Variants in GRHL3 observed in about 807,000 individuals in gnomAD.
The protein encoded by GRHL3 is grainyhead like transcription factor 3.
GRHL3 carries 20 observed loss-of-function variants against 70.3 expected under a neutral mutation model. That is an observed-to-expected ratio of 0.28 (90% CI 0.20 to 0.41). The LOEUF (loss-of-function observed/expected upper bound fraction) is 0.41. GRHL3 is among the 10% of genes least tolerant of loss of function. The pLI is 1.00. For missense variants in GRHL3, 637 were observed against 762.3 expected, an observed-to-expected ratio of 0.84 and a Z score of 1.94; for synonymous variants, 299 against 299.9, an observed-to-expected ratio of 1.00 and a Z score of 0.03.
At chr1:24,360,996 A>G (rs1641076073) in intron 15 of GRHL3, 3 of 1,613,344 alleles carry the variant, frequency 1.9e-6, no homozygotes, top group African/African-American at 2.7e-5. Context: ...GTGGCTTCGG[A>G]GGCAGAGGCG....
At chr1:24,326,237 C>T (rs1054919466) in intron 1 of GRHL3, among the ~76,000 whole-genome samples, 7 of 152,178 alleles carry the variant, frequency 4.6e-5, no homozygotes, top group South Asian at 2.1e-4. Flanking sequence ...ACACAGTAGG[C>T]GGACAAGCTC....
At chr1:24,331,666 T>C (rs1639621696) in intron 2 of GRHL3, 54 bp downstream of exon 2, 1 of 1,510,090 alleles carries the variant, frequency 6.6e-7, no homozygotes, top group Non-Finnish European at 9.0e-7. Context: ...GTGTCTTCAC[T>C]TCAGGCCTCA....
intron 1 of GRHL3, among the ~76,000 whole-genome samples, chr1:24,324,564 A>G (rs933216559): frequency 3.9e-5 from 6 of 152,252 alleles, no homozygotes; most frequent in African/African-American, 1.2e-4. Context: ...ATCTTCCAAC[A>G]GTAATACTTC....
intron 8 of GRHL3, among the ~76,000 whole-genome samples, chr1:24,341,300 C>T (rs1432840892): frequency 6.6e-6 from 1 of 152,188 alleles, no homozygotes; most frequent in African/African-American, 2.4e-5. Context: ...CTACACACCC[C>T]ACAGCCACAC....
At chr1:24,332,439 G>T (rs1442602869) in intron 2 of GRHL3, among the ~76,000 whole-genome samples, 3 of 152,168 alleles carry the variant, frequency 2.0e-5, no homozygotes, top group African/African-American at 7.2e-5. Flanking sequence ...AATCACGAGG[G>T]TATAACACAT....
chr1:24,346,058 GAA>G (rs1409437249), intron 12 of GRHL3, among the ~76,000 whole-genome samples: 2 of 152,124 alleles, frequency 1.3e-5, no homozygotes, highest in Non-Finnish European at 2.9e-5. Flanking sequence ...TTCTAGCTGT[GAA>G]AGTCACCGCA....
At chr1:24,362,832 G>A (rs1009992172) in intron 15 of GRHL3, among the ~76,000 whole-genome samples, 2 of 152,182 alleles carry the variant, frequency 1.3e-5, no homozygotes, top group Non-Finnish European at 2.9e-5. Context: ...CTTATATTTA[G>A]AACAAAGGTA....
At position 24,339,339 on chromosome 1, in the gene GRHL3, G is replaced by A. The variant is rs1347896040; in HGVS notation, c.953-329G>A. Among the ~76,000 whole-genome samples, 10 of 150,740 alleles carry A rather than the reference G, an allele frequency of 6.6e-5. No homozygotes were observed. In the East Asian group the frequency reaches 1.9e-3, roughly 29 times the overall value. On this transcript the variant is annotated intron_variant, in intron 7 of 15. Transcript: ENST00000361548. Reference sequence around the variant, plus strand: ...CACCCAGGCTAGAGTGCAGTGGCGCGATCTCGGCTCACTGCAACCTCCGCC... The same window carrying A: ...CACCCAGGCTAGAGTGCAGTGGCGCAATCTCGGCTCACTGCAACCTCCGCC...
At chr1:24,359,245 T>C (rs4648976), downstream of GRHL3, among the ~76,000 whole-genome samples, 36,877 of 152,202 alleles carry the variant, frequency 0.24, 5,188 homozygotes, top group East Asian at 0.43. This position sits in a 1 kb window ranked among gnomAD's most constrained non-coding sequence, Gnocchi z 5.3. Context: ...CACCTTGGCA[T>C]GGGTGATCAG....
Position 24,321,409 on chromosome 1 carries a change from C to A in GRHL3, c.17+1841C>A, listed in dbSNP as rs1639180529. Among the ~76,000 whole-genome samples the A allele has an allele frequency of 6.6e-6, 1 of 152,176 alleles. No homozygotes were observed. Among genetic ancestry groups the A allele is most frequent in the South Asian group, 2.1e-4 (1 of 4,824 alleles). ...CTACTGGTAAGGGGAGGGCACCCGG[C>A]GCTTGGCTTGCAAGTTCTGAGCTGC... On this transcript the variant is annotated intron_variant, in intron 1 of 15. Coordinates refer to ENST00000361548, the MANE Select transcript of GRHL3 (RefSeq NM_198173.3). The surrounding 1 kb of genome is among the most constrained non-coding windows in gnomAD (Gnocchi z 4.0).
chr1:24,337,977 C>T lies in GRHL3; in HGVS notation c.841-15C>T, dbSNP rs779394079. Reference sequence around the variant, plus strand: ...GGAAGAGGCCGGGAGTGACTGTGACCAACTGTGCTTGCAGAGTGTGGTGAT... The same window carrying T: ...GGAAGAGGCCGGGAGTGACTGTGACTAACTGTGCTTGCAGAGTGTGGTGAT... On this transcript the variant is annotated splice_polypyrimidine_tract_variant and intron_variant, in intron 6 of 15. Coordinates refer to ENST00000361548, the MANE Select transcript of GRHL3 (RefSeq NM_198173.3). 5.7e-6 allele frequency: 9 copies of T among 1,582,796 alleles called. No homozygotes were observed. The South Asian group carries it at 1.0e-4, about 18-fold the overall frequency.
intron 2 of GRHL3, among the ~76,000 whole-genome samples, chr1:24,332,723 C>G (rs1461144219): frequency 6.6e-6 from 1 of 152,222 alleles, no homozygotes; most frequent in East Asian, 1.9e-4. Flanking sequence ...CCACCTTGTA[C>G]AGAAGACCTC....
At chr1:24,332,596 C>G (rs1639653055) in intron 2 of GRHL3, among the ~76,000 whole-genome samples, 1 of 152,198 alleles carries the variant, frequency 6.6e-6, no homozygotes, top group Non-Finnish European at 1.5e-5. Context: ...TGAATTGTCA[C>G]AAGACAGCAA....
downstream of GRHL3, chr1:24,358,293 A>C: frequency 1.5e-6 from 1 of 665,274 alleles, no homozygotes; most frequent in Non-Finnish European, 2.8e-6. Flanking sequence ...GGCTCTGTCC[A>C]CTCCTCCCTT....
downstream of GRHL3, among the ~76,000 whole-genome samples, chr1:24,360,278 G>A (rs1281123914): frequency 2.0e-5 from 3 of 152,060 alleles, no homozygotes; most frequent in Non-Finnish European, 4.4e-5. Context: ...ACCCCTGTCT[G>A]TCTCTGCTAA....
In GRHL3 at chr1:24,334,683, G is replaced by A. The variant is rs1015033453; in HGVS notation, c.243G>A (p.Gly81=). 3 of 1,610,976 alleles carry A rather than the reference G, an allele frequency of 1.9e-6. No homozygotes were observed. The highest frequency in any genetic ancestry group is 2.5e-6 in the Non-Finnish European group (3 of 1,178,968). ...AGCGGATATTGTCCTCCAGCACTGG[G>A]GGCAGGAATGACCAAGGAAAGAGGT... ...KEKRILSSST[G]GRNDQGKRYY... Residue 81 remains glycine (G), a synonymous_variant, in exon 3 of 16, where the codon GGG becomes GGA. Coordinates refer to ENST00000361548, the MANE Select transcript of GRHL3 (RefSeq NM_198173.3). The surrounding 1 kb of genome is among the most constrained non-coding windows in gnomAD (Gnocchi z 4.3).
intron 8 of GRHL3, among the ~76,000 whole-genome samples, chr1:24,340,302 C>T (rs768328693): frequency 1.8e-4 from 27 of 152,202 alleles, no homozygotes; most frequent in Non-Finnish European, 3.4e-4. Context: ...AGTTATCTCA[C>T]TTCTCTGAGC....
At chr1:24,343,232 C>A (rs548193436) in intron 11 of GRHL3, 2 of 559,242 alleles carry the variant, frequency 3.6e-6, no homozygotes, top group Admixed American at 6.1e-5. Context: ...TATGAAGAAA[C>A]AGATTTCGTA....
Position 24,321,296 on chromosome 1 carries a change from G to C in GRHL3, c.17+1728G>C, listed in dbSNP as rs1439796646. Among the ~76,000 whole-genome samples, 1 of 152,224 alleles carries C rather than the reference G, an allele frequency of 6.6e-6. No individual in the cohort carries two copies. Among genetic ancestry groups the C allele is most frequent in the Non-Finnish European group, 1.5e-5 (1 of 68,040 alleles). ...GCTTCTCAGTTTGGGGTGGGGTGAG[G>C]GAAGCCAGTTGCCTGCTGAGTAATT... is the stretch of plus-strand genomic sequence containing the variant. On this transcript the variant is annotated intron_variant, in intron 1 of 15. Coordinates refer to ENST00000361548, the MANE Select transcript of GRHL3 (RefSeq NM_198173.3). The surrounding 1 kb of genome is among the most constrained non-coding windows in gnomAD (Gnocchi z 4.0).
Sources: allele counts gnomAD v4.1 joint callset (sites outside exome capture counted in the v4.1 genomes callset), GRCh38; gene constraint gnomAD v4.1.1; non-coding constraint Gnocchi (gnomAD v3.1); transcripts MANE v1.5; gene names NCBI Gene and HGNC (gene_info 2026-07-23, HGNC 2026-07-21).